The following ZNF43 variants were observed in gnomAD, a reference collection of about 807,000 sequenced individuals.
ZNF43 encodes the protein zinc finger protein 43, also known as zinc finger protein 39-like 1 (KOX 27).
In ZNF43, 44 loss-of-function variants were observed where a neutral mutation model predicts 68.4. The observed-to-expected ratio is 0.64, with a 90% confidence interval of 0.51 to 0.83. The LOEUF is 0.83. Ranked by LOEUF, ZNF43 falls within the 40% of genes least tolerant of loss-of-function variation. ZNF43 has a pLI of 0.00. For synonymous variants in ZNF43, 308 were observed against 307.8 expected (o/e 1.00, Z -0.01); for missense variants, 896 against 933.2 (o/e 0.96, Z 0.52).
In ZNF43 at chr19:21,819,117, G is replaced by C. The variant is rs2037670953; in HGVS notation, c.108C>G (p.Asn36Lys). 1.2e-6 allele frequency: 2 copies of C among 1,611,616 alleles called. No individual in the cohort carries two copies. Among genetic ancestry groups the C allele is most frequent in the Non-Finnish European group, 1.7e-6 (2 of 1,178,840 alleles). The change falls in exon 2 of 4, where the codon AAC becomes AAG. Residue 36 changes from asparagine (N) to lysine (K), a missense_variant. Transcript: ENST00000354959. ...QNLYRNVMLE[N>K]YRNLVFLGIA... ...CACCCAGGAAGACCAGGTTTCTGTAGTTCTCTAACATCACATTCCTATATA... is the reference window on the plus strand; with the variant it reads ...CACCCAGGAAGACCAGGTTTCTGTACTTCTCTAACATCACATTCCTATATA...
At chr19:21,818,757 T>C (rs1463910645) in intron 2 of ZNF43, among the ~76,000 whole-genome samples, 1 of 152,126 alleles carries the variant, frequency 6.6e-6, no homozygotes, top group Non-Finnish European at 1.5e-5. Context: ...AAGTATCTTA[T>C]TTTGTAGGTT....
intron 1 of ZNF43, among the ~76,000 whole-genome samples, chr19:21,843,997 C>T (rs1158985023): frequency 6.6e-6 from 1 of 152,110 alleles, no homozygotes; most frequent in African/African-American, 2.4e-5. Flanking sequence ...ATAACAATGT[C>T]ACCTGTGTGC....
chr19:21,808,238 C>T lies in ZNF43; in HGVS notation c.1799G>A (p.Gly600Asp). The T allele has an allele frequency of 6.2e-7, 1 of 1,613,354 alleles. No individual in the cohort carries two copies. Among genetic ancestry groups the T allele is most frequent in the Non-Finnish European group, 8.5e-7 (1 of 1,179,806 alleles). ...GTTTGAAGATTGGGTAAAAGCTTTG[C>T]CACATTCTTCACATTTGTAGAATTT... ...GEKFYKCEEC[G>D]KAFTQSSNLT... Residue 600 changes from glycine to aspartate, a missense_variant, in exon 4 of 4, where the codon GGC (glycine) becomes GAC (aspartate). Transcript: ENST00000354959.
rs1287709391 is a variant in ZNF43 at position 21,833,052 on chromosome 19, AAC to A, written c.3+2982_3+2983del. ...AACTGATGTTTTTATGAATCTGTGT[AAC>A]TCACCACTTATATACCACGTTTTCT... On this transcript the variant is annotated intron_variant, in intron 1 of 3. Transcript: ENST00000354959. Among the ~76,000 whole-genome samples, 4 of 152,324 alleles carry A rather than the reference AAC, an allele frequency of 2.6e-5. No individual in the cohort carries two copies. The East Asian group carries it at 7.7e-4, about 29-fold the overall frequency.
At chr19:21,811,119 C>T (rs561863429) in intron 3 of ZNF43, among the ~76,000 whole-genome samples, 1 of 152,286 alleles carries the variant, frequency 6.6e-6, no homozygotes, top group South Asian at 2.1e-4. Context: ...AAGAATTTAA[C>T]TTTTCCAAAG....
rs533758314 is a variant in ZNF43 at position 21,844,205 on chromosome 19, T to C, written c.30+7700A>G. On this transcript the variant is annotated intron_variant, in intron 1 of 3. Coordinates refer to the ZNF43 transcript ENST00000357491. ...CAACATGGTAAAACCTTATCTCTAC[T>C]AAAAATACAAAAAAGCCGGGCATAT... is the stretch of plus-strand genomic sequence containing the variant. Among the ~76,000 whole-genome samples the C allele has an allele frequency of 3.3e-5, 5 of 151,580 alleles. No individual in the cohort carries two copies. The East Asian group carries it at 9.8e-4, about 30-fold the overall frequency.
At chr19:21,828,756 G>A (rs1344016811) in intron 1 of ZNF43, among the ~76,000 whole-genome samples, 1 of 143,278 alleles carries the variant, frequency 7.0e-6, no homozygotes, top group South Asian at 2.2e-4. Context: ...AAATACAGCC[G>A]GACGCGGTGG....
intron 1 of ZNF43, among the ~76,000 whole-genome samples, chr19:21,847,779 G>A (rs897868325): frequency 6.6e-6 from 1 of 152,110 alleles, no homozygotes; most frequent in Non-Finnish European, 1.5e-5. Flanking sequence ...GCAGGGTCCA[G>A]AGAAAAGGTG....
intron 3 of ZNF43, among the ~76,000 whole-genome samples, chr19:21,817,219 T>C (rs550238710): frequency 3.3e-5 from 5 of 149,302 alleles, no homozygotes; most frequent in Non-Finnish European, 7.4e-5. Context: ...CAAGCCTCTG[T>C]CTTTAAAAAA....
chr19:21,848,117 G>A (rs1229474432), intron 1 of ZNF43, among the ~76,000 whole-genome samples: 2 of 151,130 alleles, frequency 1.3e-5, no homozygotes, highest in South Asian at 2.1e-4. Flanking sequence ...CACTGTGCCC[G>A]GCCTTATATG....
upstream of ZNF43, chr19:21,840,378 A>G (rs1431959431): frequency 1.3e-5 from 2 of 152,330 alleles, no homozygotes; most frequent in Non-Finnish European, 2.9e-5. Flanking sequence ...GGAATGAACA[A>G]TCCCACACAT....
At chr19:21,829,101 G>A (rs977079454) in intron 1 of ZNF43, among the ~76,000 whole-genome samples, 3 of 139,926 alleles carry the variant, frequency 2.1e-5, no homozygotes, top group African/African-American at 8.1e-5. Flanking sequence ...TGTAGTCCCA[G>A]CTACTCCAGC....
At chr19:21,837,463 C>T (rs559523747), upstream of ZNF43, among the ~76,000 whole-genome samples, 4 of 112,248 alleles carry the variant, frequency 3.6e-5, no homozygotes, top group South Asian at 2.7e-4. Context: ...CTTGCTCTGT[C>T]GACCAGGCTG....
In ZNF43 at chr19:21,809,046, T is replaced by C. The variant is rs368830815; in HGVS notation, c.991A>G (p.Lys331Glu). The C allele has an allele frequency of 2.5e-6, 4 of 1,612,852 alleles. No individual in the cohort carries two copies. Among genetic ancestry groups the C allele is most frequent in the African/African-American group, 1.3e-5 (1 of 74,810 alleles). The change falls in exon 4 of 4, where the codon AAA (lysine) becomes GAA (glutamate). Residue 331 changes from lysine to glutamate, a missense_variant. By Grantham distance (56) the Lys-to-Glu change is moderately conservative (BLOSUM62 1). Transcript: ENST00000354959. ...TCTCCAGTATGAATTCTCTTATGTT[T>C]AGTAAGAGTTGAGGGCCAGTTAAAG... is the stretch of plus-strand genomic sequence containing the variant. Reference protein sequence around the residue: ...KAFNWPSTLTKHKRIHTGEKP... With the variant: ...KAFNWPSTLTEHKRIHTGEKP...
chr19:21,822,544 G>A (rs2037904591), intron 1 of ZNF43, among the ~76,000 whole-genome samples: 1 of 151,962 alleles, frequency 6.6e-6, no homozygotes, highest in African/African-American at 2.4e-5. Context: ...GGTGGCTCAC[G>A]CCTGTAATCC....
chr19:21,840,173 T>G (rs1218568218), upstream of ZNF43: 2 of 152,110 alleles, frequency 1.3e-5, no homozygotes, highest in East Asian at 3.9e-4. Context: ...ATAACCAGGG[T>G]GTGGGGTCCA....
chr19:21,814,841 T>C (rs1408213061), intron 3 of ZNF43, among the ~76,000 whole-genome samples: 1 of 151,884 alleles, frequency 6.6e-6, no homozygotes, highest in African/African-American at 2.4e-5. Flanking sequence ...ACTGAAGAAA[T>C]ACACTAATAT....
Position 21,809,270 on chromosome 19 carries a change from T to C in ZNF43, c.767A>G (p.Lys256Arg), listed in dbSNP as rs1165464397. The C allele has an allele frequency of 1.9e-6, 3 of 1,613,656 alleles. No homozygotes were observed. Among genetic ancestry groups the C allele is most frequent in the East Asian group, 2.2e-5 (1 of 44,844 alleles). ...GCCACATTCTTCACATTTGTAGAGT[T>C]TGTATCTAGTATAATTTTTTTTATG... ...TTHKKNYTRY[K>R]LYKCEECGKA... The change falls in exon 4 of 4, where the codon AAA (lysine) becomes AGA (arginine). Residue 256 changes from lysine (K) to arginine (R), a missense_variant. Lys to Arg is a conservative substitution (Grantham distance 26, BLOSUM62 2). Coordinates refer to ENST00000354959, the MANE Select transcript of ZNF43 (RefSeq NM_003423.4).
intron 1 of ZNF43, among the ~76,000 whole-genome samples, chr19:21,846,558 C>T (rs1020078928): frequency 3.3e-5 from 5 of 152,128 alleles, no homozygotes; most frequent in Non-Finnish European, 5.9e-5. Context: ...AGGAAACTCA[C>T]ATCACTTGGG....
Sources: gnomAD v4.1 joint callset for allele counts (sites outside exome capture counted in the v4.1 genomes callset) on GRCh38, gnomAD v4.1.1 for gene constraint, MANE v1.5 for transcripts, NCBI Gene and HGNC (gene_info 2026-07-23, HGNC 2026-07-21) for gene names.